The following MAF variants were observed in gnomAD, a reference collection of about 807,000 sequenced individuals.
MAF encodes MAF bZIP transcription factor.
Under a neutral mutation model 22.0 loss-of-function variants are expected in MAF, and 10 were observed. The observed-to-expected ratio is 0.45, with a 90% CI of 0.28 to 0.77. MAF has a LOEUF of 0.77. Among genes scored for constraint, MAF ranks in the 30% least tolerant of loss-of-function variants. The pLI is 0.12. For synonymous variants in MAF, 337 were observed against 255.8 expected, an observed-to-expected ratio of 1.32 and a Z score of -3.03; for missense variants, 544 against 548.4, an observed-to-expected ratio of 0.99 and a Z score of 0.08.
chr16:79,547,897 T>TGAGAGAGAGAGAGAGAGACA, the MAF span, among the ~76,000 whole-genome samples: 1 of 43,286 alleles, frequency 2.3e-5, no homozygotes, highest in African/African-American at 7.1e-5. Context: ...TGTGTGTGTG[T>TGAGAGAGAGAGAGAGAGACA]GTGTGAGAGA....
At chr16:79,449,662 C>T in the MAF span, among the ~76,000 whole-genome samples, 1 of 152,140 alleles carries the variant, frequency 6.6e-6, no homozygotes, top group Non-Finnish European at 1.5e-5. Context: ...GAAGGGTCTC[C>T]CACCAACCTA....
chr16:79,594,963 C>G, intron 1 of MAF: 11 of 1,091,024 alleles, frequency 1.0e-5, no homozygotes, highest in Non-Finnish European at 1.2e-5. Flanking sequence ...CCTTCCAATC[C>G]AGGCCTCATT....
chr16:79,433,997 C>T, the MAF span, among the ~76,000 whole-genome samples: 17 of 152,146 alleles, frequency 1.1e-4, no homozygotes, highest in African/African-American at 4.1e-4. Flanking sequence ...GAGCTTGTGC[C>T]CCATGATCTA....
chr16:79,514,722 G>A, the MAF span, among the ~76,000 whole-genome samples: 1 of 152,150 alleles, frequency 6.6e-6, no homozygotes, highest in African/African-American at 2.4e-5. Flanking sequence ...TGCCCTGGGA[G>A]GCTGTCGTAG....
the MAF span, among the ~76,000 whole-genome samples, chr16:79,293,159 T>C: frequency 2.6e-5 from 4 of 152,214 alleles, no homozygotes; most frequent in Non-Finnish European, 5.9e-5. Flanking sequence ...CTGAGTTTTC[T>C]TGCGTGAGGT....
the MAF span, among the ~76,000 whole-genome samples, chr16:79,283,554 C>A: frequency 6.6e-6 from 1 of 152,098 alleles, no homozygotes; most frequent in Admixed American, 6.6e-5. Context: ...AAGGGAATGA[C>A]AAACTTTTAA....
At chr16:79,550,910 C>G in the MAF span, among the ~76,000 whole-genome samples, 1 of 152,162 alleles carries the variant, frequency 6.6e-6, no homozygotes, top group Non-Finnish European at 1.5e-5. Context: ...AGCTCTCCCC[C>G]AGAACCACAG....
At chr16:79,293,757 G>A in the MAF span, among the ~76,000 whole-genome samples, 2 of 152,034 alleles carry the variant, frequency 1.3e-5, no homozygotes, top group Non-Finnish European at 2.9e-5. Context: ...CTTTATCAGA[G>A]CATCCCATTG....
At chr16:79,449,874 C>A in the MAF span, among the ~76,000 whole-genome samples, 3 of 152,222 alleles carry the variant, frequency 2.0e-5, no homozygotes, top group Non-Finnish European at 4.4e-5. Flanking sequence ...CCGCTCCTCA[C>A]CCCAGAGAAT....
At chr16:79,493,083 G>A in the MAF span, among the ~76,000 whole-genome samples, 1 of 151,730 alleles carries the variant, frequency 6.6e-6, no homozygotes, top group Non-Finnish European at 1.5e-5. Context: ...TCAGCCTCCT[G>A]AGTACTTGGG....
the MAF span, among the ~76,000 whole-genome samples, chr16:79,491,377 A>G: frequency 4.0e-5 from 6 of 150,978 alleles, no homozygotes; most frequent in Non-Finnish European, 7.4e-5. Flanking sequence ...CCAGCAAACA[A>G]AAGTCTTCTC....
the MAF span, among the ~76,000 whole-genome samples, chr16:79,421,357 C>T: frequency 3.9e-5 from 6 of 152,172 alleles, no homozygotes; most frequent in Non-Finnish European, 7.3e-5. Flanking sequence ...CCTGAAAACC[C>T]TCTGTGCTCT....
the MAF span, among the ~76,000 whole-genome samples, chr16:79,399,928 G>T: frequency 6.6e-6 from 1 of 152,124 alleles, no homozygotes; most frequent in South Asian, 2.1e-4. Context: ...AGCTCACGTG[G>T]GTTAGTACCT....
the MAF span, among the ~76,000 whole-genome samples, chr16:79,216,018 G>A: frequency 5.9e-5 from 9 of 152,140 alleles, no homozygotes; most frequent in Non-Finnish European, 1.0e-4. Flanking sequence ...GGCTATTTCT[G>A]TGATAAATTC....
the MAF span, among the ~76,000 whole-genome samples, chr16:79,408,094 A>AAC: frequency 7.9e-3 from 1,193 of 151,042 alleles, 21 homozygotes; most frequent in African/African-American, 0.028. Context: ...AAAAAAAAAA[A>AAC]AAAAAACCTA....
At chr16:79,318,463 C>G in the MAF span, among the ~76,000 whole-genome samples, 1 of 152,164 alleles carries the variant, frequency 6.6e-6, no homozygotes, top group Non-Finnish European at 1.5e-5. Context: ...AAACATGTGA[C>G]AGCCACAAAC....
the MAF span, among the ~76,000 whole-genome samples, chr16:79,207,799 T>A: frequency 3.1e-3 from 464 of 150,058 alleles, 4 homozygotes; most frequent in Admixed American, 0.024. Flanking sequence ...TTTTTTTTTC[T>A]TTACCATATA....
the MAF span, among the ~76,000 whole-genome samples, chr16:79,242,376 AG>A: frequency 6.6e-6 from 1 of 151,442 alleles, no homozygotes; most frequent in Non-Finnish European, 1.5e-5. Flanking sequence ...CAAAAAAAAA[AG>A]AAAAAAAAAA....
chr16:79,413,061 C>A, the MAF span, among the ~76,000 whole-genome samples: 2 of 152,032 alleles, frequency 1.3e-5, no homozygotes, highest in African/African-American at 4.8e-5. Context: ...TTATTGCCAG[C>A]CCCAAGAAGC....
Sources: gnomAD v4.1 joint callset for allele counts (sites outside exome capture counted in the v4.1 genomes callset) on GRCh38, gnomAD v4.1.1 for gene constraint, MANE v1.5 for transcripts, NCBI Gene and HGNC (gene_info 2026-07-23, HGNC 2026-07-21) for gene names.